Variants in PROB1 observed in about 807,000 individuals in gnomAD.
PROB1 encodes the protein proline rich basic protein 1, also known as proline-rich basic protein 1.
For synonymous variants in PROB1, 660 were observed against 699.3 expected (o/e 0.94, Z 0.89); for missense variants, 1,453 against 1,485.7 (o/e 0.98, Z 0.36).
rs371305571 is a variant in PROB1, at chr5:139,393,815, G to C, written c.1267C>G (p.Arg423Gly). ...GGGAACAATGGGCTACTCACCCTCC[G>C]AGTAGTCCGATCCCACGGGGACAGG... ...QNLSPWDRTT[R>G]RVSSPLFPEA... The change falls in exon 1 of 1, where the codon CGG becomes GGG. Residue 423 changes from arginine (R) to glycine (G), a missense_variant. By Grantham distance (125) the Arg-to-Gly change is moderately radical. Transcript: ENST00000434752. The C allele has an allele frequency of 6.4e-7, 1 of 1,551,236 alleles. No individual in the cohort carries two copies. The highest frequency in any genetic ancestry group is 1.2e-5 in the South Asian group (1 of 84,052).
At position 139,392,120 on chromosome 5, in the gene PROB1, TG is replaced by T. The variant is rs1250878563; in HGVS notation, c.2961del (p.Asn988ThrfsTer73). The T allele has an allele frequency of 1.4e-6, 2 of 1,410,728 alleles. No homozygotes were observed. Among genetic ancestry groups the T allele is most frequent in the Non-Finnish European group, 1.9e-6 (2 of 1,078,096 alleles). The allele number at this position is 1,410,728 out of a possible 1,614,324, so 87.4% of individuals were successfully genotyped here. On this transcript the variant is annotated frameshift_variant, in exon 1 of 1. Coordinates refer to ENST00000434752, the MANE Select transcript of PROB1 (RefSeq NM_001161546.2). LOFTEE classifies it low-confidence loss of function (END_TRUNC). This position sits in a 1 kb window ranked among gnomAD's most constrained non-coding sequence, Gnocchi z 5.8. ...CAGAGGAGCAGAGGAGGTGCGGGGT[TG>T]GGGGTCCCGCTCACCGGCAGGTAGT... is the stretch of plus-strand genomic sequence containing the variant. ...GTYYLPVSGT[P>X]NPAPPLLLCA...
Position 139,391,738 on chromosome 5 carries a change from G to A in PROB1, c.*296C>T, listed in dbSNP as rs1489364053. On this transcript the variant is annotated 3_prime_UTR_variant, in exon 1 of 1. Coordinates refer to ENST00000434752, the MANE Select transcript of PROB1 (RefSeq NM_001161546.2). This position sits in a 1 kb window ranked among gnomAD's most constrained non-coding sequence, Gnocchi z 4.8. ...GATGCCTCACTTTCCCTATTTGCTT[G>A]CCCGCATATACACATATACACACAC... The A allele has an allele frequency of 5.1e-5, 16 of 316,108 alleles. No homozygotes were observed. Among genetic ancestry groups the A allele is most frequent in the Non-Finnish European group, 8.7e-5 (15 of 173,222 alleles). 19.6% of individuals were successfully genotyped at this position (316,108 alleles called of 1,614,324 possible).
Position 139,392,800 on chromosome 5 carries a change from C to T in PROB1, c.2282G>A (p.Arg761Lys), listed in dbSNP as rs1445759023. Residue 761 changes from arginine (R) to lysine (K), a missense_variant, in exon 1 of 1, where the codon AGG (arginine) becomes AAG (lysine). Arg to Lys is a conservative substitution (Grantham distance 26, BLOSUM62 2). Coordinates refer to ENST00000434752, the MANE Select transcript of PROB1 (RefSeq NM_001161546.2). This position sits in a 1 kb window ranked among gnomAD's most constrained non-coding sequence, Gnocchi z 5.8. ...VRARGPGGEN[R>K]DVEAQRLVPD... is the part of the protein sequence containing the mutation. The stretch of plus-strand genomic sequence containing the variant: ...GACCAGGCGCTGGGCCTCTACATCC[C>T]TGTTCTCTCCTCCAGGGCCGCGCGC... 1.3e-6 allele frequency: 2 copies of T among 1,490,806 alleles called. No individual in the cohort carries two copies. Among genetic ancestry groups the T allele is most frequent in the African/African-American group, 1.4e-5 (1 of 71,110 alleles). 92.3% of individuals were successfully genotyped at this position (1,490,806 alleles called of 1,614,324 possible). A position where few individuals can be genotyped will look rare whatever the true frequency, so the allele number is the denominator to read the frequency against.
Position 139,394,514 on chromosome 5 carries a change from C to T in PROB1, c.568G>A (p.Glu190Lys). 1 of 1,453,084 alleles carries T rather than the reference C, an allele frequency of 6.9e-7. No individual in the cohort carries two copies. 90.0% of individuals were successfully genotyped at this position (1,453,084 alleles called of 1,614,324 possible). A position where few individuals can be genotyped will look rare whatever the true frequency, so the allele number is the denominator to read the frequency against. Residue 190 changes from glutamate (E) to lysine (K), a missense_variant, in exon 1 of 1, where the codon GAG becomes AAG. By Grantham distance (56) the Glu-to-Lys change is moderately conservative. Transcript: ENST00000434752. ...GCGGCGCCCTCCTCCAGAGCCACCT[C>T]CACACACTCGAACTGCGCTGGGGCG... ...PAAPAQFECV[E>K]VALEEGAAPA...
At position 139,392,369 on chromosome 5, in the gene PROB1, G is replaced by T; in HGVS notation, c.2713C>A (p.Leu905Ile). ...TACTGCCCACTCTCAGGGTCGAAGA[G>T]CACCCGCAGCCGAGGCTGCCGCGGC... is the stretch of plus-strand genomic sequence containing the variant. ...EAPRQPRLRV[L>I]FDPESGQYVE... Residue 905 changes from leucine (L) to isoleucine (I), a missense_variant, in exon 1 of 1, where the codon CTC (leucine) becomes ATC (isoleucine). Physicochemically the swap from Leu to Ile is conservative, Grantham distance 5 (BLOSUM62 2). Transcript: ENST00000434752. This position sits in a 1 kb window ranked among gnomAD's most constrained non-coding sequence, Gnocchi z 5.8. 1.3e-6 allele frequency: 2 copies of T among 1,525,592 alleles called. No homozygotes were observed. The highest frequency in any genetic ancestry group is 1.8e-6 in the Non-Finnish European group (2 of 1,137,956). The allele number at this position is 1,525,592 out of a possible 1,614,324, so 94.5% of individuals were successfully genotyped here.
Position 139,394,291 on chromosome 5 carries a change from G to A in PROB1, c.791C>T (p.Pro264Leu). The A allele has an allele frequency of 1.3e-6, 2 of 1,519,896 alleles. No individual in the cohort carries two copies. Among genetic ancestry groups the A allele is most frequent in the Admixed American group, 2.2e-5 (1 of 46,040 alleles). The allele number at this position is 1,519,896 out of a possible 1,614,324, so 94.2% of individuals were successfully genotyped here. A position where few individuals can be genotyped will look rare whatever the true frequency, so the allele number is the denominator to read the frequency against. ...CCCGAAGGTGGCGCTGCTCGGGGCCGGGGCCTCGGGGCTCAGTTTTCTGGC... is the reference window on the plus strand; with the variant it reads ...CCCGAAGGTGGCGCTGCTCGGGGCCAGGGCCTCGGGGCTCAGTTTTCTGGC... Reference protein sequence around the residue: ...ALARKLSPEAPAPSSATFGST... With the variant: ...ALARKLSPEALAPSSATFGST... Residue 264 changes from proline (P) to leucine (L), a missense_variant, in exon 1 of 1, where the codon CCG becomes CTG. Transcript: ENST00000434752.
rs1325058665 is a variant in PROB1, at chr5:139,395,016, C to T, written c.66G>A (p.Ala22=). The change falls in exon 1 of 1, where the codon GCG becomes GCA. Residue 22 remains alanine (A), a synonymous_variant. Transcript: ENST00000434752. ...GIPRQLPTAP[A]RRQDSSGSSG... ...ACGAACCGGAGGAGTCCTGGCGCCG[C>T]GCGGGGGCCGTGGGCAGCTGCCTCG... is the stretch of plus-strand genomic sequence containing the variant. 3.4e-6 allele frequency: 5 copies of T among 1,458,326 alleles called. No individual in the cohort carries two copies. In the East Asian group the frequency reaches 1.4e-4, roughly 42 times the overall value. The allele number at this position is 1,458,326 out of a possible 1,614,324, so 90.3% of individuals were successfully genotyped here. A position where few individuals can be genotyped will look rare whatever the true frequency, so the allele number is the denominator to read the frequency against.
At position 139,393,922 on chromosome 5, in the gene PROB1, G is replaced by A; in HGVS notation, c.1160C>T (p.Ala387Val). 6.4e-7 allele frequency: 1 copy of A among 1,550,980 alleles called. No homozygotes were observed. ...CGGGGACGGGCTCCTTGGCCTCACA[G>A]CCCTACTCGGAACCTCCGAGGGGAT... ...CRIPSEVPSR[A>V]VRPRSPSPPR... is the part of the protein sequence containing the mutation. The change falls in exon 1 of 1, where the codon GCT becomes GTT. Residue 387 changes from alanine to valine, a missense_variant. Transcript: ENST00000434752.
chr5:139,394,947 G>T lies in PROB1; in HGVS notation c.135C>A (p.Asp45Glu). The T allele has an allele frequency of 6.6e-7, 1 of 1,521,360 alleles. No individual in the cohort carries two copies. The highest frequency in any genetic ancestry group is 1.2e-5 in the South Asian group (1 of 81,254). 94.2% of individuals were successfully genotyped at this position (1,521,360 alleles called of 1,614,324 possible). Residue 45 changes from aspartate (D) to glutamate (E), a missense_variant, in exon 1 of 1, where the codon GAC becomes GAA. Physicochemically the swap from Asp to Glu is conservative, Grantham distance 45. Transcript: ENST00000434752. ...CTGGGCCTTTCGCGTCCGGCCCAAC[G>T]TCCGGGGGCTCCGGAGAACCTGGAG... Reference protein sequence around the residue: ...YTAPGSPEPPDVGPDAKGPAN... With the variant: ...YTAPGSPEPPEVGPDAKGPAN...
At position 139,392,364 on chromosome 5, in the gene PROB1, G is replaced by A; in HGVS notation, c.2718C>T (p.Phe906=). The A allele has an allele frequency of 6.5e-7, 1 of 1,527,904 alleles. No individual in the cohort carries two copies. The highest frequency in any genetic ancestry group is 8.8e-7 in the Non-Finnish European group (1 of 1,138,720). The allele number at this position is 1,527,904 out of a possible 1,614,324, so 94.6% of individuals were successfully genotyped here. A position where few individuals can be genotyped will look rare whatever the true frequency, so the allele number is the denominator to read the frequency against. Residue 906 remains phenylalanine (F), a synonymous_variant, in exon 1 of 1, where the codon TTC becomes TTT. Coordinates refer to ENST00000434752, the MANE Select transcript of PROB1 (RefSeq NM_001161546.2). This position sits in a 1 kb window ranked among gnomAD's most constrained non-coding sequence, Gnocchi z 5.8. ...APRQPRLRVL[F]DPESGQYVEV... ...CCACGTACTGCCCACTCTCAGGGTC[G>A]AAGAGCACCCGCAGCCGAGGCTGCC... is the stretch of plus-strand genomic sequence containing the variant.
chr5:139,393,199 C>G lies in PROB1; in HGVS notation c.1883G>C (p.Arg628Pro). The G allele has an allele frequency of 1.9e-6, 3 of 1,549,554 alleles. No homozygotes were observed. Among genetic ancestry groups the G allele is most frequent in the Non-Finnish European group, 2.6e-6 (3 of 1,146,816 alleles). The change falls in exon 1 of 1, where the codon CGC becomes CCC. Residue 628 changes from arginine to proline, a missense_variant. By Grantham distance (103) the Arg-to-Pro change is moderately radical. Transcript: ENST00000434752. ...CGCGTACGTGGTCTTCACCAACTTG[C>G]GCACGTCTCGAGGCCGCGGAATGGC... is the stretch of plus-strand genomic sequence containing the variant. The part of the protein sequence containing the change: ...RMAIPRPRDV[R>P]KLVKTTYAPG...
In PROB1 at chr5:139,391,661, C is replaced by T. The variant is rs760553901; in HGVS notation, c.*373G>A. ...CTCCTGCTGCTCCCGTTCCTGCTGC[C>T]CCACGGCAGCCACAGCACCTCCTCT... On this transcript the variant is annotated 3_prime_UTR_variant, in exon 1 of 1. Coordinates refer to ENST00000434752, the MANE Select transcript of PROB1 (RefSeq NM_001161546.2). This position sits in a 1 kb window ranked among gnomAD's most constrained non-coding sequence, Gnocchi z 4.8. 9.7e-4 allele frequency: 180 copies of T among 184,988 alleles called. 2 individuals are homozygous for T. In the Middle Eastern group the frequency reaches 0.022, roughly 22 times the overall value. 11.5% of individuals were successfully genotyped at this position (184,988 alleles called of 1,614,324 possible). A position where few individuals can be genotyped will look rare whatever the true frequency, so the allele number is the denominator to read the frequency against.
Position 139,394,767 on chromosome 5 carries a change from C to T in PROB1, c.315G>A (p.Thr105=). 1 of 1,531,360 alleles carries T rather than the reference C, an allele frequency of 6.5e-7. No homozygotes were observed. Among genetic ancestry groups the T allele is most frequent in the East Asian group, 2.5e-5 (1 of 39,574 alleles). 94.9% of individuals were successfully genotyped at this position (1,531,360 alleles called of 1,614,324 possible). ...TGACTTCCATCTCCCCCGACGGCAG[C>T]GTGCGCAGCTGGGGCTGGGGTGGCC... The part of the protein sequence containing the change: ...GPRPPQPQLR[T]LPSGEMEVIF... The change falls in exon 1 of 1, where the codon ACG becomes ACA. Residue 105 remains threonine, a synonymous_variant. Coordinates refer to ENST00000434752, the MANE Select transcript of PROB1 (RefSeq NM_001161546.2).
Position 139,392,151 on chromosome 5 carries a change from C to T in PROB1, c.2931G>A (p.Gly977=). 7.1e-7 allele frequency: 1 copy of T among 1,412,552 alleles called. No homozygotes were observed. Among genetic ancestry groups the T allele is most frequent in the Non-Finnish European group, 9.3e-7 (1 of 1,079,076 alleles). 87.5% of individuals were successfully genotyped at this position (1,412,552 alleles called of 1,614,324 possible). A position where few individuals can be genotyped will look rare whatever the true frequency, so the allele number is the denominator to read the frequency against. ...PWVSEAGPLD[G]TYYLPVSGTP... is the part of the protein sequence containing the mutation. ...TCCCGCTCACCGGCAGGTAGTAGGTCCCGTCCAGGGGCCCTGCCTCAGAGA... is the reference window on the plus strand; with the variant it reads ...TCCCGCTCACCGGCAGGTAGTAGGTTCCGTCCAGGGGCCCTGCCTCAGAGA... Residue 977 remains glycine (G), a synonymous_variant, in exon 1 of 1, where the codon GGG becomes GGA. Coordinates refer to ENST00000434752, the MANE Select transcript of PROB1 (RefSeq NM_001161546.2). The surrounding 1 kb of genome is among the most constrained non-coding windows in gnomAD (Gnocchi z 5.8).
At position 139,391,921 on chromosome 5, in the gene PROB1, G is replaced by C. The variant is rs1272147494; in HGVS notation, c.*113C>G. 9.4e-6 allele frequency: 8 copies of C among 855,496 alleles called. No homozygotes were observed. Among genetic ancestry groups the C allele is most frequent in the African/African-American group, 8.8e-5 (5 of 56,678 alleles). The allele number at this position is 855,496 out of a possible 1,614,324, so 53.0% of individuals were successfully genotyped here. On this transcript the variant is annotated 3_prime_UTR_variant, in exon 1 of 1. Coordinates refer to ENST00000434752, the MANE Select transcript of PROB1 (RefSeq NM_001161546.2). This position sits in a 1 kb window ranked among gnomAD's most constrained non-coding sequence, Gnocchi z 4.8. Reference sequence around the variant, plus strand: ...GAAGATCACTTCCTGTCCGACGACTGACTGGGATGGGTTAAAGACAGAGGC... The same window carrying C: ...GAAGATCACTTCCTGTCCGACGACTCACTGGGATGGGTTAAAGACAGAGGC...
rs1758607683 is a variant in PROB1, at chr5:139,392,100, G to A, written c.2982C>T (p.Leu994=). 1 of 1,421,628 alleles carries A rather than the reference G, an allele frequency of 7.0e-7. No individual in the cohort carries two copies. The highest frequency in any genetic ancestry group is 9.2e-7 in the Non-Finnish European group (1 of 1,085,646). 88.1% of individuals were successfully genotyped at this position (1,421,628 alleles called of 1,614,324 possible). A position where few individuals can be genotyped will look rare whatever the true frequency, so the allele number is the denominator to read the frequency against. ...CTGAGCTGGAGGGCGGCGCACAGAG[G>A]AGCAGAGGAGGTGCGGGGTTGGGGG... ...SGTPNPAPPL[L]LCAPPSSSGP... Residue 994 remains leucine (L), a synonymous_variant, in exon 1 of 1, where the codon CTC becomes CTT. Transcript: ENST00000434752. This position sits in a 1 kb window ranked among gnomAD's most constrained non-coding sequence, Gnocchi z 5.8.
rs775553703 is a variant in PROB1 at position 139,392,255 on chromosome 5, C to A, written c.2827G>T (p.Ala943Ser). The A allele has an allele frequency of 4.1e-6, 6 of 1,480,644 alleles. No homozygotes were observed. Among genetic ancestry groups the A allele is most frequent in the Non-Finnish European group, 4.5e-6 (5 of 1,111,942 alleles). The allele number at this position is 1,480,644 out of a possible 1,614,324, so 91.7% of individuals were successfully genotyped here. ...GAGAGGCTGGGTATAGGCCCATAGG[C>A]GGGCGGGTAGAGGCCGAGCCCCAGG... The part of the protein sequence containing the change: ...LALGLGLYPP[A>S]YGPIPSLSLP... The change falls in exon 1 of 1, where the codon GCC becomes TCC. Residue 943 changes from alanine (A) to serine (S), a missense_variant. Ala to Ser is a moderately conservative substitution (Grantham distance 99). Coordinates refer to ENST00000434752, the MANE Select transcript of PROB1 (RefSeq NM_001161546.2). The surrounding 1 kb of genome is among the most constrained non-coding windows in gnomAD (Gnocchi z 5.8).
At position 139,393,866 on chromosome 5, in the gene PROB1, C is replaced by A; in HGVS notation, c.1216G>T (p.Gly406Cys). ...PRQTPNGAVR[G>C]PRCPSPQNLS... ...TTCTGGGGCGACGGGCAGCGAGGAC[C>A]CCGTACAGCCCCATTTGGAGTCTGC... Residue 406 changes from glycine to cysteine, a missense_variant, in exon 1 of 1, where the codon GGT (glycine) becomes TGT (cysteine). Coordinates refer to ENST00000434752, the MANE Select transcript of PROB1 (RefSeq NM_001161546.2). 1 of 1,550,464 alleles carries A rather than the reference C, an allele frequency of 6.4e-7. No homozygotes were observed. The highest frequency in any genetic ancestry group is 8.7e-7 in the Non-Finnish European group (1 of 1,146,772).
Position 139,391,991 on chromosome 5 carries a change from AG to A in PROB1, c.*42del, listed in dbSNP as rs755412583. 1.6e-5 allele frequency: 21 copies of A among 1,326,014 alleles called. No homozygotes were observed. The highest frequency in any genetic ancestry group is 2.0e-5 in the Non-Finnish European group (21 of 1,028,814). The allele number at this position is 1,326,014 out of a possible 1,614,324, so 82.1% of individuals were successfully genotyped here. A position where few individuals can be genotyped will look rare whatever the true frequency, so the allele number is the denominator to read the frequency against. ...AGGGGCTTGGATGCCAGAACCTCCCAGGCATCCAAGGGCTCCAACTCCATGG... is the reference window on the plus strand; with the variant it reads ...AGGGGCTTGGATGCCAGAACCTCCCAGCATCCAAGGGCTCCAACTCCATGG... On this transcript the variant is annotated 3_prime_UTR_variant, in exon 1 of 1. Coordinates refer to ENST00000434752, the MANE Select transcript of PROB1 (RefSeq NM_001161546.2). The surrounding 1 kb of genome is among the most constrained non-coding windows in gnomAD (Gnocchi z 4.8).
Sources: gnomAD v4.1 joint callset for allele counts on GRCh38, gnomAD v4.1.1 for gene constraint, Gnocchi (gnomAD v3.1) non-coding constraint, MANE v1.5 for transcripts, NCBI Gene and HGNC (gene_info 2026-07-23, HGNC 2026-07-21) for gene names.